CDC73: variants seen among roughly 807,000 people sequenced by gnomAD.
The protein encoded by CDC73 is parafibromin.
In CDC73, 21 loss-of-function variants were observed where a neutral mutation model predicts 83.7. The ratio of observed to expected loss-of-function variants is 0.25; its 90% CI spans 0.18 to 0.36. CDC73 has a LOEUF of 0.36. Ranked by LOEUF, CDC73 falls within the 10% of genes least tolerant of loss-of-function variation. The probability of loss-of-function intolerance (pLI) is 1.00; values close to 1 mark genes in which losing one functional copy is unlikely to be tolerated. For missense variants in CDC73, 342 were observed against 653.3 expected (o/e 0.52, Z 5.19); for synonymous variants, 224 against 212.9 (o/e 1.05, Z -0.45).
intron 11 of CDC73, among the ~76,000 whole-genome samples, chr1:193,204,129 T>A (rs1486879794): frequency 6.6e-6 from 1 of 151,272 alleles, no homozygotes; most frequent in African/African-American, 2.4e-5. Context: ...ATTATTTATT[T>A]TCCTATAGTG....
chr1:193,135,340 A>G, intron 3 of CDC73, 51 bp from the exon 4 acceptor site: 1 of 1,355,040 alleles, frequency 7.4e-7, no homozygotes, highest in South Asian at 1.2e-5. Context: ...AATAATATCC[A>G]ATATATATGT....
At chr1:193,204,036 A>G (rs1363413532) in intron 11 of CDC73, among the ~76,000 whole-genome samples, 184 bp downstream of exon 11, 1 of 152,052 alleles carries the variant, frequency 6.6e-6, no homozygotes, top group Non-Finnish European at 1.5e-5. Context: ...TATACATAAA[A>G]TGCTTGCTAA....
chr1:193,230,586 A>G (rs1677647145), intron 13 of CDC73, among the ~76,000 whole-genome samples: 1 of 151,004 alleles, frequency 6.6e-6, no homozygotes, highest in Non-Finnish European at 1.5e-5. Context: ...ATTGCCTATC[A>G]CACACCCAGC....
At chr1:193,177,270 T>A (rs1436829126) in intron 10 of CDC73, among the ~76,000 whole-genome samples, 3 of 143,586 alleles carry the variant, frequency 2.1e-5, no homozygotes, top group African/African-American at 7.9e-5. Flanking sequence ...AAGCCTGTAA[T>A]CCCAGCACTT....
rs1060500018 is a variant in CDC73, at chr1:193,203,838, C to T, written c.1016C>T (p.Pro339Leu). Reference protein sequence around the residue: ...ARKTQTPAAQPVPRPVSQARP... With the variant: ...ARKTQTPAAQLVPRPVSQARP... ...AAGACTCAGACTCCTGCAGCCCAGCCAGTACCAAGACCAGGTAGAAATATA... is the reference window on the plus strand; with the variant it reads ...AAGACTCAGACTCCTGCAGCCCAGCTAGTACCAAGACCAGGTAGAAATATA... Residue 339 changes from proline (P) to leucine (L), a missense_variant, in exon 11 of 17, where the codon CCA (proline) becomes CTA (leucine). Transcript: ENST00000367435. The T allele has an allele frequency of 1.9e-6, 3 of 1,613,648 alleles. No homozygotes were observed. Among genetic ancestry groups the T allele is most frequent in the Non-Finnish European group, 2.5e-6 (3 of 1,179,666 alleles).
rs149333029 is a variant in CDC73, at chr1:193,130,492, G to A, written c.307+249G>A. ...CTCAAAGACTTTGTCTTCGTAAATT[G>A]TTGTTTCTCTGACATCATCAGTTTT... On this transcript the variant is annotated intron_variant, in intron 3 of 16. Transcript: ENST00000367435. 3.6e-3 allele frequency among the ~76,000 whole-genome samples: 551 copies of A among 152,234 alleles called. 12 individuals carry two copies. Among genetic ancestry groups the A allele is most frequent in the Admixed American group, 0.033 (505 of 15,292 alleles).
intron 2 of CDC73, among the ~76,000 whole-genome samples, chr1:193,126,832 C>T (rs1026169927): frequency 6.6e-6 from 1 of 152,160 alleles, no homozygotes; most frequent in South Asian, 2.1e-4. Context: ...ACTGGAGCTG[C>T]TTTTTGAGTT....
intron 15 of CDC73, among the ~76,000 whole-genome samples, chr1:193,244,317 C>T (rs1677913694): frequency 6.6e-6 from 1 of 152,198 alleles, no homozygotes; most frequent in African/African-American, 2.4e-5. Flanking sequence ...TATAATTTCA[C>T]CTTCTTCTTG....
At chr1:193,230,440 C>T (rs1677641762) in intron 13 of CDC73, among the ~76,000 whole-genome samples, 1 of 149,780 alleles carries the variant, frequency 6.7e-6, no homozygotes, top group Non-Finnish European at 1.5e-5. Context: ...AGCCACTGCA[C>T]CTCGCCCTAA....
rs570125830 is a variant in CDC73 at position 193,149,739 on chromosome 1, G to A, written c.829-565G>A. On this transcript the variant is annotated intron_variant, in intron 8 of 16. Transcript: ENST00000367435. Reference sequence around the variant, plus strand: ...TCATGAATTTTCCAAGTAGCTTTGGGAATATTCCTAAATATGTGTTTTTAG... The same window carrying A: ...TCATGAATTTTCCAAGTAGCTTTGGAAATATTCCTAAATATGTGTTTTTAG... 4.6e-5 allele frequency among the ~76,000 whole-genome samples: 7 copies of A among 152,150 alleles called. 1 individual carries two copies. In the South Asian group the frequency reaches 1.5e-3, roughly 32 times the overall value.
intron 13 of CDC73, among the ~76,000 whole-genome samples, chr1:193,223,390 T>A (rs1161836733): frequency 6.6e-6 from 1 of 152,176 alleles, no homozygotes; most frequent in Non-Finnish European, 1.5e-5. Context: ...CAATCTAGCA[T>A]AACTTTAAAT....
chr1:193,163,669 T>C (rs369226691), intron 10 of CDC73, among the ~76,000 whole-genome samples: 18 of 152,328 alleles, frequency 1.2e-4, no homozygotes, highest in Middle Eastern at 6.8e-3. Context: ...GGGGCACCTG[T>C]GATAGACATT....
rs145258046 is a variant in CDC73, at chr1:193,191,365, A to C, written c.973-12430A>C. Among the ~76,000 whole-genome samples the C allele has an allele frequency of 3.3e-3, 495 of 152,206 alleles. 3 individuals carry two copies. Among genetic ancestry groups the C allele is most frequent in the African/African-American group, 0.011 (476 of 41,546 alleles). The stretch of plus-strand genomic sequence containing the variant: ...ATCATGTCTGAGACTTACATACTGA[A>C]ATGCATATTTTTATCATAAATCTCT... On this transcript the variant is annotated intron_variant, in intron 10 of 16. Coordinates refer to ENST00000367435, the MANE Select transcript of CDC73 (RefSeq NM_024529.5).
chr1:193,129,403 A>T (rs1194502590), intron 2 of CDC73, among the ~76,000 whole-genome samples: 1 of 151,758 alleles, frequency 6.6e-6, no homozygotes, highest in Non-Finnish European at 1.5e-5. Flanking sequence ...CAGTGCTGGG[A>T]TTACAGGTGT....
chr1:193,148,147 A>G (rs1676042645), intron 8 of CDC73, among the ~76,000 whole-genome samples, 182 bp downstream of exon 8: 1 of 152,242 alleles, frequency 6.6e-6, no homozygotes, highest in African/African-American at 2.4e-5. Context: ...TTCAGCAGTA[A>G]TTCTTAACTG....
chr1:193,152,041 A>G (rs1442790028), intron 9 of CDC73, among the ~76,000 whole-genome samples: 1 of 152,170 alleles, frequency 6.6e-6, no homozygotes, highest in Non-Finnish European at 1.5e-5. Flanking sequence ...ATGGTATTAG[A>G]TGCTTTTAGT....
chr1:193,248,026 G>A (rs142327532), intron 15 of CDC73, among the ~76,000 whole-genome samples: 1 of 152,152 alleles, frequency 6.6e-6, no homozygotes, highest in East Asian at 1.9e-4. Flanking sequence ...AGATGAAACA[G>A]CCTGTTATTG....
At chr1:193,142,175 A>G (rs2103126721) in intron 7 of CDC73, 109 bp downstream of exon 7, 2 of 871,076 alleles carry the variant, frequency 2.3e-6, no homozygotes, top group Non-Finnish European at 3.8e-6. Context: ...GGAAGTTTCA[A>G]GTTTTATCTC....
At chr1:193,170,308 A>G (rs1376451965) in intron 10 of CDC73, among the ~76,000 whole-genome samples, 2 of 152,096 alleles carry the variant, frequency 1.3e-5, no homozygotes, top group Non-Finnish European at 2.9e-5. Context: ...TGAGTATATA[A>G]CCAGTAATGA....
Sources: allele counts gnomAD v4.1 joint callset (sites outside exome capture counted in the v4.1 genomes callset), GRCh38; gene constraint gnomAD v4.1.1; transcripts MANE v1.5; gene names NCBI Gene and HGNC (gene_info 2026-07-23, HGNC 2026-07-21).